Variants in ROBO2 observed in about 807,000 individuals in gnomAD.
The protein encoded by ROBO2 is roundabout homolog 2.
A neutral mutation model predicts 160.8 loss-of-function variants in ROBO2; 53 were observed. The ratio of observed to expected loss-of-function variants is 0.33; its 90% CI spans 0.26 to 0.41. The LOEUF (loss-of-function observed/expected upper bound fraction) is 0.41. Among genes scored for constraint, ROBO2 ranks in the 10% least tolerant of loss-of-function variants. The pLI is 1.00. For synonymous variants in ROBO2, 664 were observed against 611.7 expected, an observed-to-expected ratio of 1.09 and a Z score of -1.26; for missense variants, 1,577 against 1,722.4, an observed-to-expected ratio of 0.92 and a Z score of 1.49.
In ROBO2 at chr3:76,127,685, C is replaced by T. The variant is rs1009028616; in HGVS notation, c.109+190083C>T. On this transcript the variant is annotated intron_variant, in intron 2 of 26. Coordinates refer to the ROBO2 transcript ENST00000487694. ...ATCTGTGAATTATCTCATTTATCAACGAGTGAACTCTACACTTACAGGTGA... is the reference window on the plus strand; with the variant it reads ...ATCTGTGAATTATCTCATTTATCAATGAGTGAACTCTACACTTACAGGTGA... Among the ~76,000 whole-genome samples the T allele has an allele frequency of 4.6e-5, 7 of 151,900 alleles. No homozygotes were observed. The East Asian group carries it at 7.8e-4, about 17-fold the overall frequency.
intron 2 of ROBO2, among the ~76,000 whole-genome samples, chr3:75,989,471 C>G (rs1172882824): frequency 6.6e-6 from 1 of 152,094 alleles, no homozygotes; most frequent in African/African-American, 2.4e-5. Context: ...GTTAACCCAA[C>G]AAAGTGATCT....
chr3:77,029,833 A>T (rs1361638232), intron 2 of ROBO2, among the ~76,000 whole-genome samples: 1 of 152,212 alleles, frequency 6.6e-6, no homozygotes, highest in Non-Finnish European at 1.5e-5. Flanking sequence ...TGTCTTGGTT[A>T]AATTAATATA....
At chr3:76,615,234 A>G (rs1056156960) in intron 2 of ROBO2, among the ~76,000 whole-genome samples, 3 of 151,986 alleles carry the variant, frequency 2.0e-5, no homozygotes, top group African/African-American at 7.2e-5. Context: ...GCTCTTTTTT[A>G]TTATTTTGCT....
chr3:77,472,101 G>C (rs1178594589), intron 2 of ROBO2, among the ~76,000 whole-genome samples: 1 of 152,124 alleles, frequency 6.6e-6, no homozygotes, highest in Non-Finnish European at 1.5e-5. Context: ...CATTTTCTAA[G>C]CCACAATGAG....
chr3:77,397,478 T>C (rs1436086088), intron 2 of ROBO2, among the ~76,000 whole-genome samples: 3 of 152,146 alleles, frequency 2.0e-5, no homozygotes, highest in African/African-American at 7.2e-5. Flanking sequence ...AGGCTCTGTC[T>C]CTCTTCTGGT....
intron 2 of ROBO2, among the ~76,000 whole-genome samples, chr3:76,370,004 C>T (rs2108471475): frequency 6.6e-6 from 1 of 152,034 alleles, no homozygotes; most frequent in East Asian, 1.9e-4. Flanking sequence ...GATAGACACT[C>T]ATTAATAAAT....
intron 2 of ROBO2, among the ~76,000 whole-genome samples, chr3:76,566,786 G>C (rs1289747628): frequency 6.6e-6 from 1 of 151,928 alleles, no homozygotes; most frequent in Non-Finnish European, 1.5e-5. Context: ...GAAAAAGAGA[G>C]AGAAATAAGT....
At chr3:77,415,723 G>A (rs913432611) in intron 2 of ROBO2, among the ~76,000 whole-genome samples, 1 of 152,128 alleles carries the variant, frequency 6.6e-6, no homozygotes, top group African/African-American at 2.4e-5. Context: ...TAGATAAGGG[G>A]AACCCAGTGG....
rs78076623 is a variant in ROBO2 at position 77,477,765 on chromosome 3, A to T, written c.546+194A>T. 9.6e-3 allele frequency among the ~76,000 whole-genome samples: 1,454 copies of T among 151,912 alleles called. 14 individuals are homozygous for T. Among genetic ancestry groups the T allele is most frequent in the Non-Finnish European group, 0.013 (891 of 67,932 alleles). On this transcript the variant is annotated intron_variant, in intron 3 of 25. Transcript: ENST00000461745. Reference sequence around the variant, plus strand: ...CAAAAATTATGTAAATCAAGTGTACATGAAATATTAATAATTGCACCAATC... The same window carrying T: ...CAAAAATTATGTAAATCAAGTGTACTTGAAATATTAATAATTGCACCAATC...
At chr3:76,785,050 C>T (rs767818416) in intron 2 of ROBO2, among the ~76,000 whole-genome samples, 9 of 151,076 alleles carry the variant, frequency 6.0e-5, no homozygotes, top group Non-Finnish European at 1.0e-4. Context: ...TTTGTTTCTA[C>T]GGGGAAATGA....
At chr3:76,889,685 A>G (rs890041276) in intron 2 of ROBO2, among the ~76,000 whole-genome samples, 16 of 152,320 alleles carry the variant, frequency 1.1e-4, no homozygotes, top group African/African-American at 3.6e-4. Context: ...TGTGTGGATT[A>G]CACTTTGCTA....
chr3:76,856,840 TATACTGTGGG>T (rs1455216715), intron 2 of ROBO2, among the ~76,000 whole-genome samples: 1 of 152,198 alleles, frequency 6.6e-6, no homozygotes, highest in Non-Finnish European at 1.5e-5. Context: ...TTGCAAGAAT[TATACTGTGGG>T]GAGAGGCTGG....
At chr3:76,013,284 T>G (rs1269188032) in intron 2 of ROBO2, among the ~76,000 whole-genome samples, 16 of 150,082 alleles carry the variant, frequency 1.1e-4, no homozygotes, top group Admixed American at 9.3e-4. Context: ...CTGGGCACGG[T>G]GGCTTATGCG....
intron 2 of ROBO2, among the ~76,000 whole-genome samples, chr3:77,138,099 T>G (rs2150402175): frequency 6.6e-6 from 1 of 152,318 alleles, no homozygotes; most frequent in African/African-American, 2.4e-5. Flanking sequence ...TCACTCTTTC[T>G]TAGCTTTTAT....
chr3:77,096,758 G>A (rs910418381), intron 1 of ROBO2, among the ~76,000 whole-genome samples: 5 of 152,014 alleles, frequency 3.3e-5, no homozygotes, highest in South Asian at 2.1e-4. Flanking sequence ...CCTCTCTTTC[G>A]ATTTCTTACG....
intron 2 of ROBO2, among the ~76,000 whole-genome samples, chr3:76,290,962 C>T (rs1313246529): frequency 6.6e-6 from 1 of 151,848 alleles, no homozygotes; most frequent in Non-Finnish European, 1.5e-5. Flanking sequence ...GCATTAATAC[C>T]TGTTTTTGCA....
intron 5 of ROBO2, among the ~76,000 whole-genome samples, chr3:77,521,955 A>G (rs931590572): frequency 6.6e-6 from 1 of 151,284 alleles, no homozygotes; most frequent in African/African-American, 2.4e-5. Context: ...ATCAGAAACT[A>G]TTGCAAAATG....
intron 2 of ROBO2, among the ~76,000 whole-genome samples, chr3:77,400,684 T>G (rs2075715847): frequency 6.6e-6 from 1 of 152,144 alleles, no homozygotes; most frequent in African/African-American, 2.4e-5. Flanking sequence ...AGAATCCCTT[T>G]TATATTGGTT....
In ROBO2 at chr3:75,953,567, T is replaced by G. The variant is rs527328690; in HGVS notation, c.109+15965T>G. On this transcript the variant is annotated intron_variant, in intron 2 of 26. Transcript: ENST00000487694. ...GTTTGAATAACAAAAGTCTTTAATT[T>G]TAATAATGCTCAATTTCTCAATTTT... is the stretch of plus-strand genomic sequence containing the variant. 3.3e-4 allele frequency among the ~76,000 whole-genome samples: 50 copies of G among 152,058 alleles called. No individual in the cohort carries two copies. The South Asian group carries it at 0.01, about 31-fold the overall frequency.
Sources: allele counts gnomAD v4.1 joint callset (sites outside exome capture counted in the v4.1 genomes callset), GRCh38; gene constraint gnomAD v4.1.1; transcripts MANE v1.5; gene names NCBI Gene and HGNC (gene_info 2026-07-23, HGNC 2026-07-21).